Variants in KIF25 observed in about 807,000 individuals in gnomAD.
KIF25 encodes the protein kinesin-like protein KIF25.
KIF25 carries 19 observed loss-of-function variants against 32.9 expected under a neutral mutation model. The ratio of observed to expected loss-of-function variants is 0.58; its 90% CI spans 0.40 to 0.85. The LOEUF (loss-of-function observed/expected upper bound fraction) is 0.85. Ranked by LOEUF, KIF25 falls within the 40% of genes least tolerant of loss-of-function variation. The pLI is 0.00. For missense variants in KIF25, 485 were observed against 507.0 expected (o/e 0.96, Z 0.42); for synonymous variants, 225 against 213.7 (o/e 1.05, Z -0.46).
chr6:168,044,664 C>G (rs1443215204), intron 12 of KIF25, among the ~76,000 whole-genome samples, 163 bp from the exon 13 acceptor site: 2 of 152,256 alleles, frequency 1.3e-5, no homozygotes, highest in African/African-American at 2.4e-5. Context: ...GCTGACCCTC[C>G]TGGACCCCCG....
chr6:168,001,216 T>G (rs1417219304), intron 2 of KIF25, among the ~76,000 whole-genome samples: 1 of 152,222 alleles, frequency 6.6e-6, no homozygotes, highest in Admixed American at 6.5e-5. Flanking sequence ...TGTTTCATAT[T>G]TTCGAATGTT....
intron 12 of KIF25, among the ~76,000 whole-genome samples, chr6:168,043,909 A>G (rs1799170370): frequency 6.6e-6 from 1 of 152,224 alleles, no homozygotes; most frequent in South Asian, 2.1e-4. Context: ...CAGGAGGAGA[A>G]GTCCTGGGCA....
intron 12 of KIF25, among the ~76,000 whole-genome samples, chr6:168,043,426 G>C (rs1371925406): frequency 2.0e-5 from 3 of 152,178 alleles, no homozygotes; most frequent in Non-Finnish European, 1.5e-5. Context: ...CCTCCTTCCT[G>C]GGAGGGCCAC....
intron 5 of KIF25, among the ~76,000 whole-genome samples, chr6:168,025,177 C>A (rs1798842529): frequency 6.6e-6 from 1 of 152,212 alleles, no homozygotes; most frequent in Admixed American, 6.5e-5. Context: ...GGCATCCCAA[C>A]AAAGGACAGA....
At chr6:168,041,670 G>A (rs1331617900) in intron 10 of KIF25, among the ~76,000 whole-genome samples, 1 of 152,184 alleles carries the variant, frequency 6.6e-6, no homozygotes, top group Non-Finnish European at 1.5e-5. Flanking sequence ...TAGATTTTCT[G>A]AGTGGGATTT....
intron 5 of KIF25, among the ~76,000 whole-genome samples, chr6:168,020,666 A>C (rs1798776539): frequency 2.0e-5 from 3 of 152,158 alleles, no homozygotes; most frequent in Admixed American, 2.0e-4. Flanking sequence ...GCAGCCTCTA[A>C]GTTACATATG....
rs989991159 is a variant in KIF25 at position 168,042,834 on chromosome 6, T to C, written c.985+118T>C. 3 of 1,234,810 alleles carry C rather than the reference T, an allele frequency of 2.4e-6. No homozygotes were observed. In the African/African-American group the frequency reaches 4.6e-5, roughly 19 times the overall value. 76.5% of individuals were successfully genotyped at this position (1,234,810 alleles called of 1,614,324 possible). On this transcript the variant is annotated intron_variant, in intron 12 of 12. Coordinates refer to ENST00000643607, the MANE Select transcript of KIF25 (RefSeq NM_030615.4). The stretch of plus-strand genomic sequence containing the variant: ...CCATGCACCCCCTGCACCTCCTGTG[T>C]CCTCGCTGTGGCTAGCTGGCACTCC...
At chr6:168,040,544 C>T (rs371273011) in intron 10 of KIF25, among the ~76,000 whole-genome samples, 12 of 151,276 alleles carry the variant, frequency 7.9e-5, no homozygotes, top group East Asian at 7.8e-4. Context: ...CCAACCTGTG[C>T]GACAGAGCAA....
At position 168,007,896 on chromosome 6, in the gene KIF25, A is replaced by G. The variant is rs146205757; in HGVS notation, c.-163+4193A>G. Among the ~76,000 whole-genome samples the G allele has an allele frequency of 1.9e-3, 295 of 152,290 alleles. 1 individual carries two copies. Among genetic ancestry groups the G allele is most frequent in the African/African-American group, 6.6e-3 (274 of 41,548 alleles). On this transcript the variant is annotated intron_variant, in intron 4 of 12. Transcript: ENST00000643607. ...CATCTTAGTTGATAAAGAAGCATCT[A>G]TTGGTCTCTCAGATCACATTTCCCT...
intron 4 of KIF25, among the ~76,000 whole-genome samples, chr6:168,011,827 G>T (rs1798651877): frequency 6.6e-6 from 1 of 152,088 alleles, no homozygotes; most frequent in Non-Finnish European, 1.5e-5. Context: ...TTCACTTAAT[G>T]CTGTCCCATA....
chr6:168,011,422 AG>A (rs1204807444), intron 4 of KIF25, among the ~76,000 whole-genome samples: 1 of 152,082 alleles, frequency 6.6e-6, no homozygotes, highest in African/African-American at 2.4e-5. Flanking sequence ...TGTCTGTGAA[AG>A]ATTTTATTTT....
At chr6:168,000,050 A>C (rs1174190512) in intron 2 of KIF25, among the ~76,000 whole-genome samples, 5 of 37,212 alleles carry the variant, frequency 1.3e-4, no homozygotes, top group African/African-American at 2.5e-4. Flanking sequence ...GACCCTCCCC[A>C]CTCCCATCCT....
At chr6:168,030,643 T>C (rs58738419) in intron 6 of KIF25, 130 bp from the exon 7 acceptor site, 19,607 of 614,878 alleles carry the variant, frequency 0.032, 834 homozygotes, top group African/African-American at 0.13. Context: ...TAATCTTTTG[T>C]TGAAGAATCC....
intron 7 of KIF25, among the ~76,000 whole-genome samples, chr6:168,033,604 G>A (rs533281524): frequency 6.6e-6 from 1 of 152,132 alleles, no homozygotes; most frequent in South Asian, 2.1e-4. Context: ...TGGATGGGGA[G>A]ATGAAAACAC....
At position 168,043,936 on chromosome 6, in the gene KIF25, G is replaced by C. The variant is rs947111787; in HGVS notation, c.986-891G>C. On this transcript the variant is annotated intron_variant, in intron 12 of 12. Coordinates refer to ENST00000643607, the MANE Select transcript of KIF25 (RefSeq NM_030615.4). ...TCCTGGGCACACGGCCCCTGCCCCA[G>C]GGGGGCCTGAGGGAGCCACAGGGCC... is the stretch of plus-strand genomic sequence containing the variant. Among the ~76,000 whole-genome samples the C allele has an allele frequency of 8.5e-5, 13 of 152,232 alleles. 1 individual carries two copies. The highest frequency in any genetic ancestry group is 3.1e-4 in the African/African-American group (13 of 41,462).
intron 4 of KIF25, among the ~76,000 whole-genome samples, chr6:168,009,475 G>A (rs1428663600): frequency 1.3e-5 from 2 of 152,096 alleles, no homozygotes; most frequent in Non-Finnish European, 2.9e-5. Context: ...CAGTTTGCTA[G>A]TACTTTGCTG....
In KIF25 at chr6:167,999,192, T is replaced by C. The variant is rs1798463125; in HGVS notation, c.-498T>C. 1.3e-5 allele frequency: 2 copies of C among 152,274 alleles called. No homozygotes were observed. Among genetic ancestry groups the C allele is most frequent in the Non-Finnish European group, 2.9e-5 (2 of 68,062 alleles). 9.4% of individuals were successfully genotyped at this position (152,274 alleles called of 1,614,324 possible). A position where few individuals can be genotyped will look rare whatever the true frequency, so the allele number is the denominator to read the frequency against. On this transcript the variant is annotated 5_prime_UTR_variant, in exon 2 of 13. Coordinates refer to ENST00000643607, the MANE Select transcript of KIF25 (RefSeq NM_030615.4). The stretch of plus-strand genomic sequence containing the variant: ...GTGGGGGATGCTCCGCAGTGCAGGC[T>C]CGCGCCCGGGTTGACACGCAGACCT...
At chr6:168,035,429 A>G in intron 8 of KIF25, among the ~76,000 whole-genome samples, 1 of 6,230 alleles carries the variant, frequency 1.6e-4, no homozygotes, top group African/African-American at 4.9e-4. Flanking sequence ...CGGGGCTGGA[A>G]CGGCGCGGCG....
chr6:168,005,696 C>CATGG (rs1360527768), intron 4 of KIF25, among the ~76,000 whole-genome samples: 2 of 152,236 alleles, frequency 1.3e-5, no homozygotes, highest in Non-Finnish European at 2.9e-5. Context: ...GGGTAGGAAG[C>CATGG]ATCCAGCACG....
Sources: gnomAD v4.1 joint callset for allele counts (sites outside exome capture counted in the v4.1 genomes callset) on GRCh38, gnomAD v4.1.1 for gene constraint, MANE v1.5 for transcripts, NCBI Gene and HGNC (gene_info 2026-07-23, HGNC 2026-07-21) for gene names.